Variants in CACNA2D3 observed in about 807,000 individuals in gnomAD.
The protein encoded by CACNA2D3 is voltage-dependent calcium channel subunit alpha-2/delta-3.
CACNA2D3 carries 60 observed loss-of-function variants against 160.6 expected under a neutral mutation model. The observed-to-expected ratio is 0.37, with a 90% CI of 0.30 to 0.46. The LOEUF is 0.46. Among genes scored for constraint, CACNA2D3 ranks in the 20% least tolerant of loss-of-function variants. CACNA2D3 has a pLI of 1.00. For missense variants in CACNA2D3, 1,205 were observed against 1,365.0 expected, an observed-to-expected ratio of 0.88 and a Z score of 1.85; for synonymous variants, 558 against 492.9, an observed-to-expected ratio of 1.13 and a Z score of -1.75.
intron 2 of CACNA2D3, among the ~76,000 whole-genome samples, chr3:54,247,035 G>A (rs1702095792): frequency 6.6e-6 from 1 of 152,162 alleles, no homozygotes; most frequent in Non-Finnish European, 1.5e-5. Context: ...CCTACTCCGG[G>A]GCGTGGTGGT....
intron 4 of CACNA2D3, among the ~76,000 whole-genome samples, chr3:54,464,694 A>T (rs1488912925): frequency 6.6e-6 from 1 of 152,216 alleles, no homozygotes; most frequent in African/African-American, 2.4e-5. Flanking sequence ...TTCTTTGACT[A>T]GGAAGGGGAA....
chr3:54,503,939 G>T (rs1440555139), intron 5 of CACNA2D3, among the ~76,000 whole-genome samples: 1 of 152,102 alleles, frequency 6.6e-6, no homozygotes, highest in African/African-American at 2.4e-5. Context: ...AATATCTTAG[G>T]CTTTGCCAGC....
intron 24 of CACNA2D3, among the ~76,000 whole-genome samples, chr3:54,888,986 A>G (rs1699994646): frequency 6.6e-6 from 1 of 152,254 alleles, no homozygotes; most frequent in African/African-American, 2.4e-5. Context: ...AAAGACACAT[A>G]AAGTGTAACA....
chr3:54,920,990 C>G (rs938800779), intron 27 of CACNA2D3, among the ~76,000 whole-genome samples: 2 of 152,190 alleles, frequency 1.3e-5, no homozygotes, highest in African/African-American at 4.8e-5. Context: ...GCCAAATGCT[C>G]TGTGGTCTCC....
At chr3:54,988,612 A>G (rs1413795154) in intron 31 of CACNA2D3, among the ~76,000 whole-genome samples, 2 of 152,186 alleles carry the variant, frequency 1.3e-5, no homozygotes, top group Non-Finnish European at 2.9e-5. Flanking sequence ...TGAGAGATCC[A>G]TTGCACATCG....
intron 12 of CACNA2D3, among the ~76,000 whole-genome samples, chr3:54,755,499 A>G (rs922342567): frequency 3.9e-5 from 6 of 152,194 alleles, no homozygotes; most frequent in Non-Finnish European, 1.5e-5. Context: ...AGTTTTTAAC[A>G]TATCCTTGAA....
intron 27 of CACNA2D3, among the ~76,000 whole-genome samples, chr3:54,910,187 A>G (rs1345902222): frequency 2.6e-5 from 4 of 152,152 alleles, no homozygotes; most frequent in African/African-American, 4.8e-5. Flanking sequence ...GTAGTAGGTA[A>G]TTGTCTTTCA....
chr3:54,716,453 C>T (rs1361042646), intron 11 of CACNA2D3, among the ~76,000 whole-genome samples: 2 of 152,028 alleles, frequency 1.3e-5, no homozygotes, highest in East Asian at 1.9e-4. Context: ...CCATATGTTG[C>T]GTGTGAAAAG....
intron 34 of CACNA2D3, among the ~76,000 whole-genome samples, 196 bp downstream of exon 34, chr3:55,009,639 C>G (rs1703168052): frequency 6.6e-6 from 1 of 152,196 alleles, no homozygotes; most frequent in Non-Finnish European, 1.5e-5. Context: ...CCACAGGCTT[C>G]ATTCAGCCCA....
At chr3:54,203,977 C>T (rs1410321270) in intron 2 of CACNA2D3, among the ~76,000 whole-genome samples, 2 of 152,000 alleles carry the variant, frequency 1.3e-5, no homozygotes, top group African/African-American at 4.8e-5. Flanking sequence ...GGACCCTAGC[C>T]AGGGACCCGC....
chr3:54,668,718 A>G (rs1407834771), intron 11 of CACNA2D3, among the ~76,000 whole-genome samples: 1 of 152,252 alleles, frequency 6.6e-6, no homozygotes, highest in Admixed American at 6.5e-5. Flanking sequence ...CACACAGGAG[A>G]CAGGGAACCT....
At chr3:54,563,982 A>G (rs537395756) in intron 6 of CACNA2D3, among the ~76,000 whole-genome samples, 10 of 152,340 alleles carry the variant, frequency 6.6e-5, no homozygotes, top group South Asian at 6.2e-4. Flanking sequence ...AATGTAAACA[A>G]TAAGCATCCT....
chr3:54,284,076 A>AAAAAAC (rs1702950330), intron 2 of CACNA2D3, among the ~76,000 whole-genome samples: 1 of 152,166 alleles, frequency 6.6e-6, no homozygotes, highest in Admixed American at 6.5e-5. Context: ...AACAAAAAAC[A>AAAAAAC]AAAACAAAAC....
intron 9 of CACNA2D3, among the ~76,000 whole-genome samples, chr3:54,582,891 A>G (rs1302921197): frequency 6.6e-6 from 1 of 152,234 alleles, no homozygotes; most frequent in Non-Finnish European, 1.5e-5. Context: ...ACAAAGTATA[A>G]AGTGAAAAAT....
chr3:54,279,574 G>A (rs1007507097), intron 2 of CACNA2D3, among the ~76,000 whole-genome samples: 25 of 152,188 alleles, frequency 1.6e-4, no homozygotes, highest in African/African-American at 4.3e-4. Flanking sequence ...TCCTTGTGGC[G>A]CAGGAAGGTT....
At chr3:54,761,594 T>A (rs1702082127) in intron 12 of CACNA2D3, among the ~76,000 whole-genome samples, 1 of 152,132 alleles carries the variant, frequency 6.6e-6, no homozygotes. Context: ...GCATTCCAAA[T>A]GGGTCTCCCT....
At chr3:54,490,439 T>G (rs1196829412) in intron 4 of CACNA2D3, among the ~76,000 whole-genome samples, 1 of 152,192 alleles carries the variant, frequency 6.6e-6, no homozygotes, top group Non-Finnish European at 1.5e-5. Flanking sequence ...GTCAACAGAA[T>G]CAGGAGGTCC....
chr3:54,631,770 A>G (rs537774089), intron 10 of CACNA2D3, among the ~76,000 whole-genome samples: 2 of 152,240 alleles, frequency 1.3e-5, no homozygotes, highest in Non-Finnish European at 2.9e-5. Context: ...TGCTGCATTC[A>G]TTAGATTCTG....
At chr3:54,826,658 C>A (rs1703755930) in intron 14 of CACNA2D3, among the ~76,000 whole-genome samples, 1 of 152,156 alleles carries the variant, frequency 6.6e-6, no homozygotes, top group Non-Finnish European at 1.5e-5. Flanking sequence ...AGACTCCCTT[C>A]CTCTATAACA....
Sources: gnomAD v4.1 joint callset for allele counts (sites outside exome capture counted in the v4.1 genomes callset) on GRCh38, gnomAD v4.1.1 for gene constraint, MANE v1.5 for transcripts, NCBI Gene and HGNC (gene_info 2026-07-23, HGNC 2026-07-21) for gene names.